Variants in UBE3C observed in about 807,000 individuals in gnomAD.
The protein encoded by UBE3C is ubiquitin-protein ligase E3C.
In UBE3C, 42 loss-of-function variants were observed where a neutral mutation model predicts 129.4. The observed-to-expected ratio is 0.32, with a 90% confidence interval of 0.25 to 0.42. UBE3C has a LOEUF of 0.42. Among genes scored for constraint, UBE3C ranks in the 10% least tolerant of loss-of-function variants. UBE3C has a pLI of 1.00. For synonymous variants in UBE3C, 510 were observed against 492.4 expected (o/e 1.04, Z -0.47); for missense variants, 1,049 against 1,319.1 (o/e 0.80, Z 3.17).
intron 18 of UBE3C, 23 bp downstream of exon 18, chr7:157,231,350 A>G (rs1584806320): frequency 1.2e-6 from 2 of 1,610,282 alleles, no homozygotes; most frequent in Non-Finnish European, 1.7e-6. Flanking sequence ...TCATATAAAA[A>G]TAGACCTCGG....
chr7:157,139,123 G>A lies in UBE3C; in HGVS notation c.-150G>A. On this transcript the variant is annotated 5_prime_UTR_variant, in exon 1 of 23. Coordinates refer to ENST00000348165, the MANE Select transcript of UBE3C (RefSeq NM_014671.3). ...GGGCAGGGCTGGGAGGGTACAGCCCGGGGGCGGGCTCGGGTCGCCTCCCGG... is the reference window on the plus strand; with the variant it reads ...GGGCAGGGCTGGGAGGGTACAGCCCAGGGGCGGGCTCGGGTCGCCTCCCGG... The A allele has an allele frequency of 3.8e-6, 1 of 261,318 alleles. No homozygotes were observed. Among genetic ancestry groups the A allele is most frequent in the Non-Finnish European group, 6.0e-6 (1 of 166,250 alleles). 16.2% of individuals were successfully genotyped at this position (261,318 alleles called of 1,614,324 possible).
At chr7:157,148,881 C>G (rs570492572) in intron 1 of UBE3C, among the ~76,000 whole-genome samples, 1 of 151,928 alleles carries the variant, frequency 6.6e-6, no homozygotes, top group East Asian at 1.9e-4. Flanking sequence ...TCCTGAGGAG[C>G]TGGAACTCCA....
intron 18 of UBE3C, among the ~76,000 whole-genome samples, chr7:157,237,376 G>A (rs1192869053): frequency 1.3e-5 from 2 of 152,144 alleles, no homozygotes; most frequent in African/African-American, 4.8e-5. Context: ...GGGAGGCGGA[G>A]CTTGCAGTGA....
chr7:157,181,427 A>T, intron 6 of UBE3C, 91 bp from the exon 7 acceptor site: 1 of 1,167,190 alleles, frequency 8.6e-7, no homozygotes, highest in Non-Finnish European at 1.2e-6. Flanking sequence ...TTGGACCTGT[A>T]GAGATGGTTA....
chr7:157,217,344 T>C (rs1283081962), intron 14 of UBE3C: 1 of 166,890 alleles, frequency 6.0e-6, no homozygotes, highest in Non-Finnish European at 1.3e-5. Flanking sequence ...TGAGACGGAA[T>C]CTTGCTATGT....
At chr7:157,193,622 G>T (rs1166990999) in intron 10 of UBE3C, among the ~76,000 whole-genome samples, 1 of 150,884 alleles carries the variant, frequency 6.6e-6, no homozygotes, top group African/African-American at 2.4e-5. Context: ...TTACATTTTA[G>T]AAGTAGAGCC....
chr7:157,200,720 G>C (rs556329596), intron 10 of UBE3C, among the ~76,000 whole-genome samples: 3 of 151,942 alleles, frequency 2.0e-5, no homozygotes, highest in African/African-American at 7.3e-5. Context: ...CTGCAGCCTT[G>C]AACTCCTGGG....
At chr7:157,197,116 A>G (rs1326280394) in intron 10 of UBE3C, among the ~76,000 whole-genome samples, 1 of 152,214 alleles carries the variant, frequency 6.6e-6, no homozygotes, top group Non-Finnish European at 1.5e-5. Context: ...TCTTAATAGG[A>G]GAAATAATTA....
intron 18 of UBE3C, among the ~76,000 whole-genome samples, chr7:157,247,858 G>A (rs975543811): frequency 6.6e-6 from 1 of 152,142 alleles, no homozygotes; most frequent in Non-Finnish European, 1.5e-5. Flanking sequence ...CCAAAACTGT[G>A]CTCAAATCCT....
intron 10 of UBE3C, chr7:157,197,803 C>G: frequency 6.2e-7 from 1 of 1,613,210 alleles, no homozygotes; most frequent in Non-Finnish European, 8.5e-7. Context: ...CGACTCCCAT[C>G]TGCTAACCTG....
At position 157,254,298 on chromosome 7, in the gene UBE3C, A is replaced by G; in HGVS notation, c.2938A>G (p.Thr980Ala). 6.2e-7 allele frequency: 1 copy of G among 1,612,132 alleles called. No individual in the cohort carries two copies. The highest frequency in any genetic ancestry group is 8.5e-7 in the Non-Finnish European group (1 of 1,179,502). The change falls in exon 21 of 23, where the codon ACA becomes GCA. Residue 980 changes from threonine to alanine, a missense_variant. This residue lies in a region of UBE3C where 243 missense variants were observed against 368.7 expected (regional missense o/e 0.66). Coordinates refer to ENST00000348165, the MANE Select transcript of UBE3C (RefSeq NM_014671.3). ...PISLEDLKSF[T>A]NYSGGYSADH... Reference sequence around the variant, plus strand: ...AAGCCTAGAGGACCTAAAATCCTTTACAAACTATTCAGGTATGTTATCACT... The same window carrying G: ...AAGCCTAGAGGACCTAAAATCCTTTGCAAACTATTCAGGTATGTTATCACT...
intron 21 of UBE3C, among the ~76,000 whole-genome samples, chr7:157,254,959 ACC>A (rs879416479): frequency 1.2e-3 from 161 of 129,330 alleles, no homozygotes; most frequent in African/African-American, 4.0e-3. Context: ...GGTGGCGTAC[ACC>A]TGCAGTCCCG....
At chr7:157,145,090 T>C (rs1440083987) in intron 1 of UBE3C, among the ~76,000 whole-genome samples, 1 of 151,962 alleles carries the variant, frequency 6.6e-6, no homozygotes, top group Non-Finnish European at 1.5e-5. Context: ...GCCAACGTGG[T>C]GAAACCCCGT....
chr7:157,246,015 CAG>C (rs1796466920), intron 18 of UBE3C, among the ~76,000 whole-genome samples: 1 of 95,922 alleles, frequency 1.0e-5, no homozygotes, highest in East Asian at 3.1e-4. Flanking sequence ...AAAAAAAAAA[CAG>C]TGTTCTTCAC....
chr7:157,194,264 T>C (rs992374774), intron 10 of UBE3C, among the ~76,000 whole-genome samples: 5 of 152,226 alleles, frequency 3.3e-5, no homozygotes, highest in African/African-American at 9.6e-5. Context: ...CTCTAAATTA[T>C]GGCACTGAGA....
At chr7:157,188,857 C>T (rs1471235421) in intron 10 of UBE3C, 5 of 459,426 alleles carry the variant, frequency 1.1e-5, no homozygotes, top group African/African-American at 7.9e-5. Flanking sequence ...AGGCTGATAA[C>T]TCATTCACAG....
intron 1 of UBE3C, among the ~76,000 whole-genome samples, chr7:157,154,207 G>A (rs1205981008): frequency 6.6e-6 from 1 of 151,818 alleles, no homozygotes; most frequent in Non-Finnish European, 1.5e-5. Flanking sequence ...TGTAATCCCA[G>A]CAACTTGGGA....
intron 8 of UBE3C, among the ~76,000 whole-genome samples, chr7:157,182,862 C>T (rs576338969): frequency 2.0e-5 from 3 of 152,234 alleles, no homozygotes; most frequent in African/African-American, 7.2e-5. Flanking sequence ...GATTCTCCTG[C>T]CTCAGCCTCC....
At chr7:157,222,409 T>C (rs1274412559) in intron 15 of UBE3C, 1 of 152,034 alleles carries the variant, frequency 6.6e-6, no homozygotes, top group African/African-American at 2.4e-5. Context: ...CCTAACACTT[T>C]ACTTTTTTTT....
Sources: gnomAD v4.1 joint callset for allele counts (sites outside exome capture counted in the v4.1 genomes callset) on GRCh38, gnomAD v4.1.1 for gene constraint, gnomAD v4.1.1 regional missense constraint, MANE v1.5 for transcripts, NCBI Gene and HGNC (gene_info 2026-07-23, HGNC 2026-07-21) for gene names.